The following PDE4D variants were observed in gnomAD, a reference collection of about 807,000 sequenced individuals.
The protein encoded by PDE4D is phosphodiesterase 4D, also known as 3',5'-cyclic-AMP phosphodiesterase 4D.
In PDE4D, 24 loss-of-function variants were observed where a neutral mutation model predicts 87.4. The observed-to-expected ratio is 0.27, with a 90% CI of 0.20 to 0.39. PDE4D has a LOEUF of 0.39. Ranked by LOEUF, PDE4D falls within the 10% of genes least tolerant of loss-of-function variation. The pLI is 1.00. For synonymous variants in PDE4D, 384 were observed against 383.2 expected (o/e 1.00, Z -0.02); for missense variants, 714 against 1,041.0 (o/e 0.69, Z 4.32).
intron 1 of PDE4D, among the ~76,000 whole-genome samples, chr5:59,295,717 C>T (rs1181614846): frequency 6.6e-6 from 1 of 151,950 alleles, no homozygotes; most frequent in Non-Finnish European, 1.5e-5. Context: ...AATATCGTGT[C>T]TTTAATGATC....
chr5:59,377,324 G>C (rs558555027), intron 1 of PDE4D, among the ~76,000 whole-genome samples: 2 of 152,058 alleles, frequency 1.3e-5, no homozygotes, highest in South Asian at 4.2e-4. Flanking sequence ...GACTGAGGTA[G>C]GAGAACGGCG....
chr5:59,470,063 C>T (rs1201979499), intron 1 of PDE4D, among the ~76,000 whole-genome samples: 1 of 151,840 alleles, frequency 6.6e-6, no homozygotes, highest in Non-Finnish European at 1.5e-5. Context: ...TAATAAGCAC[C>T]CCTGGTAAAT....
chr5:60,040,690 A>G (rs968187503), intron 2 of PDE4D, among the ~76,000 whole-genome samples: 7 of 152,210 alleles, frequency 4.6e-5, no homozygotes, highest in African/African-American at 1.7e-4. Context: ...GTGTATGCAC[A>G]TTCAAAACTA....
chr5:59,921,005 A>G (rs572162430), intron 3 of PDE4D, among the ~76,000 whole-genome samples: 5 of 152,316 alleles, frequency 3.3e-5, no homozygotes, highest in African/African-American at 1.2e-4. Context: ...CCTAGAACTT[A>G]AAGTATATTA....
At chr5:59,031,385 AT>A (rs754984473) in intron 6 of PDE4D, among the ~76,000 whole-genome samples, 12,169 of 75,470 alleles carry the variant, frequency 0.16, 663 homozygotes, top group African/African-American at 0.26. Context: ...ATATATATAT[AT>A]ATATATTATA....
rs1290449775 is a variant in PDE4D, at chr5:59,528,813, G to C, written c.456-312845C>G. 4 of 273,076 alleles carry C rather than the reference G, an allele frequency of 1.5e-5. No individual in the cohort carries two copies. In the Admixed American group the frequency reaches 1.8e-4, roughly 12 times the overall value. The allele number at this position is 273,076 out of a possible 1,614,324, so 16.9% of individuals were successfully genotyped here. A position where few individuals can be genotyped will look rare whatever the true frequency, so the allele number is the denominator to read the frequency against. On this transcript the variant is annotated intron_variant, in intron 1 of 14. Coordinates refer to ENST00000340635, the MANE Select transcript of PDE4D (RefSeq NM_001104631.2). ...AGACCTGATGGTTACAGATACAAAA[G>C]TGTCACATGAAAATGGAATTTCAGG... is the stretch of plus-strand genomic sequence containing the variant.
rs564589128 is a variant in PDE4D at position 60,464,809 on chromosome 5, A to T, written c.-90+23133T>A. Among the ~76,000 whole-genome samples the T allele has an allele frequency of 9.9e-5, 15 of 152,276 alleles. No homozygotes were observed. The South Asian group carries it at 2.9e-3, about 29-fold the overall frequency. On this transcript the variant is annotated intron_variant, in intron 1 of 16. Transcript: ENST00000502484. ...GAGCTATAAAAGCTAAAAAATAAAA[A>T]AGCAAGGCCAGGCCAGGCATGGCAG...
intron 2 of PDE4D, among the ~76,000 whole-genome samples, chr5:60,078,860 T>C (rs1374236479): frequency 6.6e-6 from 1 of 152,228 alleles, no homozygotes; most frequent in African/African-American, 2.4e-5. Context: ...AGTGCATGTA[T>C]CTTTGTAGTA....
intron 1 of PDE4D, among the ~76,000 whole-genome samples, chr5:60,473,210 GAA>G (rs1220812427): frequency 1.7e-4 from 25 of 144,386 alleles, no homozygotes; most frequent in African/African-American, 6.1e-4. Flanking sequence ...AGAAAGAAAA[GAA>G]AGAGAAAGAA....
Position 58,971,573 on chromosome 5 carries a change from C to T in PDE4D, c.*3091G>A, listed in dbSNP as rs1276353998. ...AATAAATAATGCATTCAAAAATTAT[C>T]ATAAAGCTTTCTGTAAAATCCATTT... On this transcript the variant is annotated 3_prime_UTR_variant, in exon 15 of 15. Transcript: ENST00000340635. The T allele has an allele frequency of 6.6e-6, 1 of 152,552 alleles. No individual in the cohort carries two copies. The highest frequency in any genetic ancestry group is 1.5e-5 in the Non-Finnish European group (1 of 68,010). The allele number at this position is 152,552 out of a possible 1,614,324, so 9.4% of individuals were successfully genotyped here. A position where few individuals can be genotyped will look rare whatever the true frequency, so the allele number is the denominator to read the frequency against.
chr5:59,348,523 T>C (rs762449781), intron 1 of PDE4D, among the ~76,000 whole-genome samples: 2 of 152,130 alleles, frequency 1.3e-5, no homozygotes, highest in African/African-American at 2.4e-5. Context: ...CATTTTTGAA[T>C]GTTTAATTCA....
rs150340196 is a variant in PDE4D, at chr5:59,200,672, G to A, written c.648-7136C>T. ...GTATACATACATATGTGTATGTATA[G>A]ATACACGTATACATACATATGTGTA... On this transcript the variant is annotated intron_variant, in intron 2 of 14. Coordinates refer to ENST00000340635, the MANE Select transcript of PDE4D (RefSeq NM_001104631.2). Among the ~76,000 whole-genome samples the A allele has an allele frequency of 3.6e-5, 3 of 83,534 alleles. 1 individual carries two copies. The highest frequency in any genetic ancestry group is 1.5e-4 in the African/African-American group (3 of 19,826). The allele number at this position is 83,534 out of a possible 152,430, so 54.8% of individuals were successfully genotyped here.
chr5:60,300,824 G>A (rs1416218915), intron 1 of PDE4D, among the ~76,000 whole-genome samples: 1 of 151,754 alleles, frequency 6.6e-6, no homozygotes, highest in African/African-American at 2.4e-5. Flanking sequence ...CCAGGCTGGA[G>A]TGCAGTGGCA....
At chr5:58,995,481 T>C (rs964308340) in intron 6 of PDE4D, among the ~76,000 whole-genome samples, 2 of 152,184 alleles carry the variant, frequency 1.3e-5, no homozygotes, top group African/African-American at 4.8e-5. Context: ...TTCAAAATTT[T>C]TTCTGTCCCT....
intron 2 of PDE4D, among the ~76,000 whole-genome samples, chr5:60,051,108 C>T (rs1770094739): frequency 6.6e-6 from 1 of 152,078 alleles, no homozygotes; most frequent in African/African-American, 2.4e-5. Flanking sequence ...TTTAACACCC[C>T]ACTGTCAATA....
At chr5:60,047,514 A>C (rs1769438439) in intron 2 of PDE4D, among the ~76,000 whole-genome samples, 1 of 152,078 alleles carries the variant, frequency 6.6e-6, no homozygotes. Context: ...TAGTGCTATA[A>C]ATTTCCCTCT....
intron 1 of PDE4D, among the ~76,000 whole-genome samples, chr5:59,288,366 G>A (rs752789758): frequency 1.3e-5 from 2 of 151,810 alleles, no homozygotes; most frequent in Non-Finnish European, 2.9e-5. Flanking sequence ...AGAAAGAACT[G>A]TGAGCTTGAA....
intron 1 of PDE4D, among the ~76,000 whole-genome samples, chr5:60,520,157 T>C (rs1163738903): frequency 2.6e-5 from 4 of 152,216 alleles, no homozygotes; most frequent in African/African-American, 4.8e-5. Flanking sequence ...TGTACAGACA[T>C]AGGTGCCCTG....
chr5:59,285,022 T>G (rs1766618155), intron 1 of PDE4D, among the ~76,000 whole-genome samples: 3 of 96,380 alleles, frequency 3.1e-5, no homozygotes, highest in Admixed American at 2.3e-4. Context: ...TGAGATCACA[T>G]GGACACAGGA....
Sources: gnomAD v4.1 joint callset for allele counts (sites outside exome capture counted in the v4.1 genomes callset) on GRCh38, gnomAD v4.1.1 for gene constraint, MANE v1.5 for transcripts, NCBI Gene and HGNC (gene_info 2026-07-23, HGNC 2026-07-21) for gene names.